The following PCLO variants were observed in gnomAD, a reference collection of about 807,000 sequenced individuals.
PCLO encodes piccolo presynaptic cytomatrix protein.
A neutral mutation model predicts 427.5 loss-of-function variants in PCLO; 82 were observed. The observed-to-expected ratio is 0.19, with a 90% CI of 0.16 to 0.23. The LOEUF is 0.23. Among genes scored for constraint, PCLO ranks in the 10% least tolerant of loss-of-function variants. PCLO has a pLI of 1.00. For synonymous variants in PCLO, 2,357 were observed against 2,155.4 expected, an observed-to-expected ratio of 1.09 and a Z score of -2.59; for missense variants, 6,239 against 6,115.9, an observed-to-expected ratio of 1.02 and a Z score of -0.67.
chr7:82,817,378 T>A (rs1791698810), intron 20 of PCLO, among the ~76,000 whole-genome samples: 1 of 152,172 alleles, frequency 6.6e-6, no homozygotes, highest in African/African-American at 2.4e-5. Context: ...CCTTTATTTT[T>A]CTTATGGGCC....
At chr7:82,789,407 C>T (rs1159229459) in intron 22 of PCLO, among the ~76,000 whole-genome samples, 1 of 152,078 alleles carries the variant, frequency 6.6e-6, no homozygotes, top group East Asian at 1.9e-4. Context: ...CTATATAAAG[C>T]TAAGAAAGCA....
At chr7:82,940,139 T>C (rs540872276) in intron 6 of PCLO, among the ~76,000 whole-genome samples, 4 of 152,322 alleles carry the variant, frequency 2.6e-5, no homozygotes, top group South Asian at 2.1e-4. Context: ...ATTTTCCAAA[T>C]GGATAATCAA....
chr7:82,934,910 TTAA>T (rs1794916177), intron 6 of PCLO, among the ~76,000 whole-genome samples: 1 of 151,518 alleles, frequency 6.6e-6, no homozygotes, highest in Non-Finnish European at 1.5e-5. Context: ...TATACATTTC[TTAA>T]TAACAAAAGC....
At chr7:82,769,533 A>G (rs1335980280) in intron 22 of PCLO, among the ~76,000 whole-genome samples, 4 of 152,168 alleles carry the variant, frequency 2.6e-5, no homozygotes, top group Non-Finnish European at 5.9e-5. Flanking sequence ...ATTCTATTGC[A>G]ACCTCAGCAG....
intron 3 of PCLO, among the ~76,000 whole-genome samples, chr7:83,046,985 T>C (rs1789119715): frequency 6.6e-6 from 1 of 152,052 alleles, no homozygotes; most frequent in Non-Finnish European, 1.5e-5. Flanking sequence ...TATTTTTAAA[T>C]GCACCAGCTA....
intron 10 of PCLO, among the ~76,000 whole-genome samples, chr7:82,852,056 A>G (rs1227359054): frequency 6.6e-6 from 1 of 152,110 alleles, no homozygotes; most frequent in Non-Finnish European, 1.5e-5. Flanking sequence ...GATCAAAGAA[A>G]GGAAGGAGTA....
intron 3 of PCLO, among the ~76,000 whole-genome samples, chr7:83,057,081 C>T (rs1269477286): frequency 1.3e-5 from 2 of 149,228 alleles, no homozygotes; most frequent in Non-Finnish European, 3.0e-5. Context: ...TTTCTTTAAC[C>T]ATATATATAT....
chr7:83,022,365 A>C (rs1788366715), intron 3 of PCLO, among the ~76,000 whole-genome samples: 1 of 152,216 alleles, frequency 6.6e-6, no homozygotes, highest in Non-Finnish European at 1.5e-5. Flanking sequence ...ATATAAAATA[A>C]TTATTTGTAA....
At chr7:83,001,726 A>G (rs1583893313) in intron 3 of PCLO, among the ~76,000 whole-genome samples, 2 of 152,152 alleles carry the variant, frequency 1.3e-5, no homozygotes, top group Non-Finnish European at 2.9e-5. Context: ...TGTCTGCCTC[A>G]TGGTGCTGAT....
At chr7:82,886,164 T>C (rs1793623198) in intron 9 of PCLO, among the ~76,000 whole-genome samples, 1 of 152,222 alleles carries the variant, frequency 6.6e-6, no homozygotes, top group Admixed American at 6.5e-5. Flanking sequence ...GCCCACAAGT[T>C]ATAATGCATG....
chr7:82,788,787 T>C (rs1431423789), intron 22 of PCLO, among the ~76,000 whole-genome samples: 2 of 151,890 alleles, frequency 1.3e-5, no homozygotes, highest in African/African-American at 4.8e-5. Context: ...ATTCTTTAAG[T>C]AACATAAAAT....
At chr7:83,016,555 G>C (rs2116028129) in intron 3 of PCLO, among the ~76,000 whole-genome samples, 1 of 151,954 alleles carries the variant, frequency 6.6e-6, no homozygotes, top group Admixed American at 6.6e-5. Context: ...CAATTTGTGG[G>C]GTTAGGAGAG....
intron 3 of PCLO, among the ~76,000 whole-genome samples, chr7:83,034,100 A>G (rs1286107090): frequency 6.6e-6 from 1 of 152,218 alleles, no homozygotes; most frequent in African/African-American, 2.4e-5. Context: ...AATCAAAAAC[A>G]TCTCTTACTA....
intron 3 of PCLO, among the ~76,000 whole-genome samples, chr7:83,093,880 T>C (rs1790457904): frequency 6.7e-6 from 1 of 149,578 alleles, no homozygotes; most frequent in African/African-American, 2.5e-5. Flanking sequence ...AATTGTAAAT[T>C]CAAATGTTAT....
chr7:82,861,721 CAT>C lies in PCLO; in HGVS notation c.13655-14476_13655-14475del, dbSNP rs530184199. 9.2e-5 allele frequency among the ~76,000 whole-genome samples: 14 copies of C among 152,052 alleles called. No individual in the cohort carries two copies. In the South Asian group the frequency reaches 2.9e-3, roughly 32 times the overall value. On this transcript the variant is annotated intron_variant, in intron 10 of 24. Transcript: ENST00000333891. ...ATGGATCATTCTCAAGGATAGACCA[CAT>C]GTTAGGTCACAAAACAAGTTTTAAA... is the stretch of plus-strand genomic sequence containing the variant.
intron 3 of PCLO, among the ~76,000 whole-genome samples, chr7:82,981,707 T>TA (rs1796150583): frequency 6.6e-6 from 1 of 152,076 alleles, no homozygotes. Flanking sequence ...TGCCTATACT[T>TA]AAAAAAAGGA....
chr7:82,884,371 C>G (rs1012086109), intron 9 of PCLO, among the ~76,000 whole-genome samples: 5 of 152,068 alleles, frequency 3.3e-5, no homozygotes, highest in African/African-American at 1.2e-4. Flanking sequence ...TTGTGGAACA[C>G]ACTTTTCAAA....
intron 9 of PCLO, among the ~76,000 whole-genome samples, chr7:82,882,010 G>A (rs564378407): frequency 1.3e-5 from 2 of 152,030 alleles, no homozygotes; most frequent in African/African-American, 2.4e-5. Flanking sequence ...AGAATAGAAC[G>A]TTAGAAAATA....
At chr7:82,968,855 G>A (rs1257274821) in intron 3 of PCLO, among the ~76,000 whole-genome samples, 1 of 152,054 alleles carries the variant, frequency 6.6e-6, no homozygotes, top group African/African-American at 2.4e-5. Flanking sequence ...AAACAGATAC[G>A]AATGGCTGCA....
Sources: gnomAD v4.1 joint callset for allele counts (sites outside exome capture counted in the v4.1 genomes callset) on GRCh38, gnomAD v4.1.1 for gene constraint, MANE v1.5 for transcripts, NCBI Gene and HGNC (gene_info 2026-07-23, HGNC 2026-07-21) for gene names.